The following PPP1R1C variants were observed in gnomAD, a reference collection of about 807,000 sequenced individuals.
PPP1R1C encodes protein phosphatase 1 regulatory inhibitor subunit 1C, also known as protein phosphatase 1 regulatory subunit 1C.
A neutral mutation model predicts 17.4 loss-of-function variants in PPP1R1C; 15 were observed. The ratio of observed to expected loss-of-function variants is 0.86; its 90% confidence interval spans 0.58 to 1.33. The LOEUF (loss-of-function observed/expected upper bound fraction) is 1.33, where lower values mean the gene tolerates loss of function less well. PPP1R1C is among the 40% of genes most tolerant of loss of function. The pLI is 0.00. For missense variants in PPP1R1C, 143 were observed against 130.0 expected (o/e 1.10, Z -0.48); for synonymous variants, 35 against 43.1 (o/e 0.81, Z 0.73).
At chr2:181,983,513 C>T (rs1172784191), upstream of PPP1R1C, among the ~76,000 whole-genome samples, 4 of 152,104 alleles carry the variant, frequency 2.6e-5, no homozygotes, top group South Asian at 4.1e-4. Context: ...ATTATACCCC[C>T]CATGCAAACT....
chr2:182,106,425 C>T (rs1358130939), intron 4 of PPP1R1C, among the ~76,000 whole-genome samples: 3 of 152,146 alleles, frequency 2.0e-5, no homozygotes, highest in Admixed American at 6.5e-5. Flanking sequence ...GTCAGGACAT[C>T]GATGATGTGG....
intron 2 of PPP1R1C, among the ~76,000 whole-genome samples, chr2:182,042,636 G>T (rs1348239343): frequency 1.3e-5 from 2 of 152,206 alleles, no homozygotes; most frequent in African/African-American, 4.8e-5. Context: ...GAGGAAAGAT[G>T]CATGTGGCAT....
Position 182,050,386 on chromosome 2 carries a change from A to G in PPP1R1C, c.143-11056A>G, listed in dbSNP as rs555887960. ...CTTGTACCGTTCTTTAAAAAGCCTA[A>G]TTTTGGTCTTTAGGACTAAATTATC... On this transcript the variant is annotated intron_variant, in intron 2 of 4. Transcript: ENST00000682840. 6.6e-5 allele frequency among the ~76,000 whole-genome samples: 10 copies of G among 152,214 alleles called. No individual in the cohort carries two copies. In the East Asian group the frequency reaches 1.9e-3, roughly 29 times the overall value.
chr2:181,961,610 C>T lies in PPP1R1C; in HGVS notation n.111+6976C>T, dbSNP rs1013664666. 2 of 742,482 alleles carry T rather than the reference C, an allele frequency of 2.7e-6. No individual in the cohort carries two copies. The highest frequency in any genetic ancestry group is 3.4e-5 in the African/African-American group (2 of 58,756). The allele number at this position is 742,482 out of a possible 1,614,324, so 46.0% of individuals were successfully genotyped here. A position where few individuals can be genotyped will look rare whatever the true frequency, so the allele number is the denominator to read the frequency against. ...AGCTCCGTGAGCGTCATCTCAGCAT[C>T]TCCAACCTTGGTGGACTGCGTAGTG... is the stretch of plus-strand genomic sequence containing the variant. On this transcript the variant is annotated intron_variant and non_coding_transcript_variant, in intron 1 of 5. Transcript: ENST00000464264. The surrounding 1 kb of genome is among the most constrained non-coding windows in gnomAD (Gnocchi z 5.8).
chr2:182,040,709 T>G (rs756926021), intron 2 of PPP1R1C, among the ~76,000 whole-genome samples: 1 of 152,226 alleles, frequency 6.6e-6, no homozygotes, highest in Non-Finnish European at 1.5e-5. Flanking sequence ...TTTTGAGGTC[T>G]TAGTCATGAA....
At chr2:182,110,181 T>C (rs1251512735) in intron 4 of PPP1R1C, among the ~76,000 whole-genome samples, 1 of 152,148 alleles carries the variant, frequency 6.6e-6, no homozygotes, top group East Asian at 1.9e-4. Flanking sequence ...CTATCTACTC[T>C]GATTTGATCA....
chr2:181,962,742 C>G lies in PPP1R1C; in HGVS notation n.111+8108C>G, dbSNP rs1440624750. On this transcript the variant is annotated intron_variant and non_coding_transcript_variant, in intron 1 of 5. Transcript: ENST00000464264. The surrounding 1 kb of genome is among the most constrained non-coding windows in gnomAD (Gnocchi z 6.0). ...CCTAGAGGGGTGTTTGTTTGATATA[C>G]AGTGAGTTTTCCTAGGAGAGTCCCT... 6.6e-6 allele frequency among the ~76,000 whole-genome samples: 1 copy of G among 152,216 alleles called. No homozygotes were observed. The highest frequency in any genetic ancestry group is 1.5e-5 in the Non-Finnish European group (1 of 68,040).
intron 2 of PPP1R1C, among the ~76,000 whole-genome samples, chr2:182,060,776 G>T (rs1485549659): frequency 6.6e-6 from 1 of 152,074 alleles, no homozygotes; most frequent in Non-Finnish European, 1.5e-5. Flanking sequence ...AAGCCAAGAG[G>T]CAGAGGCCAT....
At chr2:182,127,307 A>G (rs1431756226) in intron 5 of PPP1R1C, among the ~76,000 whole-genome samples, 1 of 152,074 alleles carries the variant, frequency 6.6e-6, no homozygotes, top group East Asian at 1.9e-4. Context: ...CCCTCATTTT[A>G]CAGGTAGAAA....
In PPP1R1C at chr2:181,974,243, G is replaced by A. The variant is rs113208128; in HGVS notation, n.112-976G>A. ...CTTTCCCACAGGAATCTAAGAGATG[G>A]TTGTGAATATTAATTAAAATAACAT... On this transcript the variant is annotated intron_variant and non_coding_transcript_variant, in intron 1 of 5. Transcript: ENST00000464264. Among the ~76,000 whole-genome samples, 1,140 of 152,202 alleles carry A rather than the reference G, an allele frequency of 7.5e-3. 9 individuals carry two copies. The highest frequency in any genetic ancestry group is 0.013 in the Non-Finnish European group (852 of 67,990).
intron 2 of PPP1R1C, among the ~76,000 whole-genome samples, chr2:182,056,750 A>G (rs1341655908): frequency 2.0e-5 from 3 of 152,156 alleles, no homozygotes; most frequent in South Asian, 4.1e-4. Flanking sequence ...GTAAAATTAT[A>G]TGTTTGATTT....
In PPP1R1C at chr2:182,044,046, C is replaced by T. The variant is rs887175524; in HGVS notation, c.143-17396C>T. 1.4e-4 allele frequency among the ~76,000 whole-genome samples: 22 copies of T among 152,288 alleles called. 1 individual carries two copies. The highest frequency in any genetic ancestry group is 1.2e-3 in the South Asian group (6 of 4,828). ...CCTGTTCCCCCACCCTCACCTATGT[C>T]GAGTCATTGTGCAAGTCGAGTCCAT... On this transcript the variant is annotated intron_variant, in intron 2 of 4. Transcript: ENST00000682840.
intron 3 of PPP1R1C, among the ~76,000 whole-genome samples, chr2:182,063,031 A>G (rs184403141): frequency 6.6e-6 from 1 of 152,114 alleles, no homozygotes; most frequent in Non-Finnish European, 1.5e-5. Flanking sequence ...TATATCCATT[A>G]TATAGGGCTC....
intron 2 of PPP1R1C, among the ~76,000 whole-genome samples, chr2:182,027,267 G>C (rs1461306226): frequency 1.6e-5 from 2 of 127,268 alleles, no homozygotes; most frequent in Non-Finnish European, 1.6e-5. Flanking sequence ...AGTGGTGAGA[G>C]AGGGCATCCC....
intron 4 of PPP1R1C, among the ~76,000 whole-genome samples, chr2:182,099,087 C>T (rs7600720): frequency 0.35 from 53,850 of 151,996 alleles, 11,648 homozygotes; most frequent in African/African-American, 0.6. Context: ...TGAGAAATTA[C>T]ACCATGGGGT....
At chr2:181,984,135 A>C (rs534921199), upstream of PPP1R1C, among the ~76,000 whole-genome samples, 6 of 152,194 alleles carry the variant, frequency 3.9e-5, no homozygotes, top group Admixed American at 6.5e-5. Context: ...CCTTTTGAAA[A>C]ATCTGGCTGA....
At chr2:182,081,169 A>G (rs755233315) in intron 4 of PPP1R1C, among the ~76,000 whole-genome samples, 8 of 152,208 alleles carry the variant, frequency 5.3e-5, no homozygotes, top group Middle Eastern at 3.2e-3. Context: ...TTTGGTTTCT[A>G]CATCTTTAGC....
At chr2:182,026,484 T>TTTTCTCAG (rs1276825781) in intron 2 of PPP1R1C, among the ~76,000 whole-genome samples, 1 of 137,402 alleles carries the variant, frequency 7.3e-6, no homozygotes. Flanking sequence ...CCCCATTGCT[T>TTTTCTCAG]GTTTTTGTCA....
intron 4 of PPP1R1C, among the ~76,000 whole-genome samples, chr2:182,095,235 G>T (rs1688897978): frequency 6.6e-6 from 1 of 152,064 alleles, no homozygotes; most frequent in African/African-American, 2.4e-5. Context: ...AGAGGCAGAG[G>T]TTGCAGTGAG....
Sources: allele counts gnomAD v4.1 joint callset (sites outside exome capture counted in the v4.1 genomes callset), GRCh38; gene constraint gnomAD v4.1.1; non-coding constraint Gnocchi (gnomAD v3.1); transcripts MANE v1.5; gene names NCBI Gene and HGNC (gene_info 2026-07-23, HGNC 2026-07-21).